Variants in INPP4B observed in about 807,000 individuals in gnomAD.
INPP4B encodes inositol polyphosphate-4-phosphatase type II B, also known as inositol polyphosphate 4-phosphatase type II.
INPP4B carries 55 observed loss-of-function variants against 122.5 expected under a neutral mutation model. The ratio of observed to expected loss-of-function variants is 0.45; its 90% CI spans 0.36 to 0.56. INPP4B has a LOEUF of 0.56. Among genes scored for constraint, INPP4B ranks in the 20% least tolerant of loss-of-function variants. The pLI is 0.00. For missense variants in INPP4B, 1,000 were observed against 1,097.7 expected (o/e 0.91, Z 1.26); for synonymous variants, 403 against 388.7 (o/e 1.04, Z -0.43).
intron 7 of INPP4B, among the ~76,000 whole-genome samples, chr4:142,319,980 C>T (rs1015822871): frequency 6.6e-6 from 1 of 152,150 alleles, no homozygotes; most frequent in African/African-American, 2.4e-5. Context: ...CTGGCTGTGT[C>T]CTCATTTGGA....
intron 7 of INPP4B, among the ~76,000 whole-genome samples, chr4:142,368,744 T>C (rs1463802791): frequency 6.7e-6 from 1 of 149,978 alleles, no homozygotes; most frequent in Non-Finnish European, 1.5e-5. Context: ...CCCAAAGAGT[T>C]GCACAGGAAA....
intron 18 of INPP4B, among the ~76,000 whole-genome samples, chr4:142,134,675 T>TA (rs1344697085): frequency 1.3e-5 from 2 of 151,850 alleles, no homozygotes; most frequent in East Asian, 3.9e-4. Flanking sequence ...CGCATGCCTG[T>TA]AATCCCAGCT....
chr4:142,825,015 G>A (rs1336736607), intron 1 of INPP4B, among the ~76,000 whole-genome samples: 2 of 151,932 alleles, frequency 1.3e-5, no homozygotes, highest in Admixed American at 1.3e-4. Flanking sequence ...TGACAACCTT[G>A]TGAAATAGCA....
chr4:142,255,581 C>T (rs1735413305), intron 11 of INPP4B, among the ~76,000 whole-genome samples: 1 of 152,186 alleles, frequency 6.6e-6, no homozygotes, highest in South Asian at 2.1e-4. Context: ...AGACTTTAAA[C>T]CAACAAAGAC....
At chr4:142,432,407 G>C (rs931636) in intron 3 of INPP4B, among the ~76,000 whole-genome samples, 58,399 of 151,644 alleles carry the variant, frequency 0.39, 11,621 homozygotes, top group East Asian at 0.61. Flanking sequence ...AATTCAAAAC[G>C]CTTCTTGAAT....
chr4:142,579,770 C>T (rs1297057558), intron 2 of INPP4B, among the ~76,000 whole-genome samples: 1 of 151,478 alleles, frequency 6.6e-6, no homozygotes, highest in East Asian at 2.0e-4. Flanking sequence ...CTCCTGCTTG[C>T]TGACTCACTC....
chr4:142,143,114 C>A (rs1423740736), intron 18 of INPP4B, among the ~76,000 whole-genome samples: 1 of 152,010 alleles, frequency 6.6e-6, no homozygotes, highest in African/African-American at 2.4e-5. Flanking sequence ...AAGCAAAACA[C>A]CAAAAAACAA....
At chr4:142,286,395 T>C (rs1753704635) in intron 9 of INPP4B, among the ~76,000 whole-genome samples, 1 of 152,206 alleles carries the variant, frequency 6.6e-6, no homozygotes, top group South Asian at 2.1e-4. Flanking sequence ...ATAGAGGTTC[T>C]AATAGGAAGT....
intron 1 of INPP4B, among the ~76,000 whole-genome samples, chr4:142,776,703 T>C (rs888894119): frequency 6.6e-6 from 1 of 152,164 alleles, no homozygotes; most frequent in African/African-American, 2.4e-5. Context: ...TTTTAAAAAT[T>C]CTATTTATAT....
chr4:142,192,530 C>T (rs1169894751), intron 15 of INPP4B, among the ~76,000 whole-genome samples: 1 of 151,662 alleles, frequency 6.6e-6, no homozygotes, highest in Non-Finnish European at 1.5e-5. Context: ...CTTTATAAGG[C>T]AATATTTAAA....
intron 2 of INPP4B, among the ~76,000 whole-genome samples, chr4:142,470,762 T>A (rs2149676968): frequency 6.6e-6 from 1 of 152,346 alleles, no homozygotes; most frequent in Non-Finnish European, 1.5e-5. Flanking sequence ...CAAAATATGT[T>A]TTCATATTCT....
chr4:142,254,046 C>T lies in INPP4B; in HGVS notation c.688+6446G>A, dbSNP rs552527211. On this transcript the variant is annotated intron_variant, in intron 11 of 25. Transcript: ENST00000262992. ...CTGCCTCCTCTAGTGGGTCCCTGAC[C>T]CCTGACCCCCGAGCAGCCTAACTGG... 6.1e-4 allele frequency among the ~76,000 whole-genome samples: 93 copies of T among 152,102 alleles called. 1 individual carries two copies. In the East Asian group the frequency reaches 0.014, roughly 22 times the overall value.
At chr4:142,729,008 A>T (rs1765708575) in intron 1 of INPP4B, among the ~76,000 whole-genome samples, 1 of 152,186 alleles carries the variant, frequency 6.6e-6, no homozygotes, top group African/African-American at 2.4e-5. Context: ...GCACCAGGAC[A>T]ATTTTTTCTA....
At chr4:142,138,463 C>G (rs1805883184) in intron 18 of INPP4B, among the ~76,000 whole-genome samples, 1 of 150,994 alleles carries the variant, frequency 6.6e-6, no homozygotes, top group African/African-American at 2.4e-5. Flanking sequence ...GTGCAGCACA[C>G]CAGCATGGCA....
At chr4:142,838,292 G>A (rs933056535) in intron 1 of INPP4B, among the ~76,000 whole-genome samples, 4 of 150,822 alleles carry the variant, frequency 2.7e-5, no homozygotes, top group Admixed American at 6.6e-5. Context: ...TGACTCTTTG[G>A]GCTTTTCTCT....
At chr4:142,187,906 A>G (rs1329161120) in intron 15 of INPP4B, among the ~76,000 whole-genome samples, 1 of 152,042 alleles carries the variant, frequency 6.6e-6, no homozygotes, top group African/African-American at 2.4e-5. Context: ...TATATTATGT[A>G]TATAACTTTA....
At chr4:142,298,945 C>A (rs964726463) in intron 9 of INPP4B, among the ~76,000 whole-genome samples, 2 of 151,894 alleles carry the variant, frequency 1.3e-5, no homozygotes, top group Non-Finnish European at 2.9e-5. Context: ...AAATTCTTAA[C>A]CCATCATAAA....
intron 11 of INPP4B, among the ~76,000 whole-genome samples, chr4:142,252,760 T>C (rs117622305): frequency 3.4e-4 from 52 of 152,342 alleles, no homozygotes; most frequent in Admixed American, 1.6e-3. Context: ...AACAGCTTTA[T>C]GAGTTATATA....
chr4:142,299,992 A>G (rs28401614), intron 9 of INPP4B, among the ~76,000 whole-genome samples: 1,609 of 152,326 alleles, frequency 0.011, 30 homozygotes, highest in African/African-American at 0.036. Context: ...CCATGCTTAA[A>G]GTAAGAAGAC....
Sources: allele counts gnomAD v4.1 joint callset (sites outside exome capture counted in the v4.1 genomes callset), GRCh38; gene constraint gnomAD v4.1.1; transcripts MANE v1.5; gene names NCBI Gene and HGNC (gene_info 2026-07-23, HGNC 2026-07-21).